The following IGF2BP1 variants were observed in gnomAD, a reference collection of about 807,000 sequenced individuals.
IGF2BP1 encodes the protein insulin like growth factor 2 mRNA binding protein 1.
In IGF2BP1, 11 loss-of-function variants were observed where a neutral mutation model predicts 74.9. The ratio of observed to expected loss-of-function variants is 0.15; its 90% CI spans 0.09 to 0.24. The LOEUF is 0.24. Among genes scored for constraint, IGF2BP1 ranks in the 10% least tolerant of loss-of-function variants. The probability of loss-of-function intolerance (pLI) is 1.00; values close to 1 mark genes in which losing one functional copy is unlikely to be tolerated. For synonymous variants in IGF2BP1, 287 were observed against 281.8 expected (o/e 1.02, Z -0.18); for missense variants, 440 against 757.4 (o/e 0.58, Z 4.92).
rs534271722 is a variant in IGF2BP1, at chr17:49,027,021, G to A, written c.337+504G>A. On this transcript the variant is annotated intron_variant, in intron 4 of 14. Transcript: ENST00000290341. ...CTCCCAAAATGCTGGGATTACAGGC[G>A]TGAGCCATTGCGCCCGGCCTCTGCT... 2.4e-4 allele frequency among the ~76,000 whole-genome samples: 36 copies of A among 152,332 alleles called. 1 individual carries two copies. The highest frequency in any genetic ancestry group is 8.7e-4 in the African/African-American group (36 of 41,574).
At chr17:49,022,420 C>T (rs1046056592) in intron 2 of IGF2BP1, among the ~76,000 whole-genome samples, 3 of 152,188 alleles carry the variant, frequency 2.0e-5, no homozygotes, top group African/African-American at 7.2e-5. Flanking sequence ...CCCGCCCCGC[C>T]CCTCCCGCTG....
chr17:49,049,531 G>A lies in IGF2BP1; in HGVS notation c.*87G>A. On this transcript the variant is annotated 3_prime_UTR_variant, in exon 15 of 15. Transcript: ENST00000290341. ...TCCCCGGCAGGCCTGAGAATGAGTGGGAATCCGGGACACCTGGGCCGGGCT... is the reference window on the plus strand; with the variant it reads ...TCCCCGGCAGGCCTGAGAATGAGTGAGAATCCGGGACACCTGGGCCGGGCT... 1 of 1,123,194 alleles carries A rather than the reference G, an allele frequency of 8.9e-7. No individual in the cohort carries two copies. Among genetic ancestry groups the A allele is most frequent in the South Asian group, 1.4e-5 (1 of 73,666 alleles). The allele number at this position is 1,123,194 out of a possible 1,614,324, so 69.6% of individuals were successfully genotyped here. A position where few individuals can be genotyped will look rare whatever the true frequency, so the allele number is the denominator to read the frequency against.
At chr17:49,007,005 CT>C (rs1174674129) in intron 2 of IGF2BP1, among the ~76,000 whole-genome samples, 2 of 152,162 alleles carry the variant, frequency 1.3e-5, no homozygotes, top group Non-Finnish European at 2.9e-5. Context: ...AAATTTCACA[CT>C]TTACGGCTAC....
chr17:49,018,353 G>T (rs2041735001), intron 2 of IGF2BP1, among the ~76,000 whole-genome samples: 1 of 152,192 alleles, frequency 6.6e-6, no homozygotes, highest in African/African-American at 2.4e-5. Flanking sequence ...CATGTTTGTT[G>T]CTCACTCTTT....
In IGF2BP1 at chr17:49,031,265, G is replaced by A. The variant is rs377217055; in HGVS notation, c.338-645G>A. ...TGGGACTACAAGGGTGCACCACCAC[G>A]CCAGGCTAATTTTTGTGTTTTTTGT... On this transcript the variant is annotated intron_variant, in intron 4 of 14. Coordinates refer to ENST00000290341, the MANE Select transcript of IGF2BP1 (RefSeq NM_006546.4). Among the ~76,000 whole-genome samples, 5 of 151,894 alleles carry A rather than the reference G, an allele frequency of 3.3e-5. No individual in the cohort carries two copies. The East Asian group carries it at 7.7e-4, about 23-fold the overall frequency.
chr17:49,053,927 C>G lies in IGF2BP1; in HGVS notation c.*4483C>G, dbSNP rs946417609. ...GAAAACCAGTAGAAGGGAAACAGCA[C>G]AGCCTGTCACAGTAATTGCAGGAAG... On this transcript the variant is annotated 3_prime_UTR_variant, in exon 15 of 15. Coordinates refer to ENST00000290341, the MANE Select transcript of IGF2BP1 (RefSeq NM_006546.4). 6.5e-6 allele frequency: 1 copy of G among 152,706 alleles called. No homozygotes were observed. The highest frequency in any genetic ancestry group is 2.4e-5 in the African/African-American group (1 of 41,478). The allele number at this position is 152,706 out of a possible 1,614,324, so 9.5% of individuals were successfully genotyped here.
intron 14 of IGF2BP1, among the ~76,000 whole-genome samples, chr17:49,048,698 A>G (rs1567829751): frequency 6.6e-6 from 1 of 152,100 alleles, no homozygotes; most frequent in African/African-American, 2.4e-5. Flanking sequence ...GCAGGAGGTG[A>G]GCGGCAGACG....
At chr17:49,014,800 G>T in intron 2 of IGF2BP1, 1 of 985,400 alleles carries the variant, frequency 1.0e-6, no homozygotes, top group Non-Finnish European at 1.2e-6. Context: ...ACCCCGAGGA[G>T]CACGGGGATG....
chr17:49,034,505 A>G lies in IGF2BP1; in HGVS notation c.401+2532A>G, dbSNP rs190979788. ...TGTAATTCCAGCCCTTTGGGAGGCC[A>G]ATGCAGGGTGGGTTGCTTGAGCTCA... On this transcript the variant is annotated intron_variant, in intron 5 of 14. Coordinates refer to ENST00000290341, the MANE Select transcript of IGF2BP1 (RefSeq NM_006546.4). Among the ~76,000 whole-genome samples the G allele has an allele frequency of 2.5e-3, 382 of 151,338 alleles. 2 individuals are homozygous for G. Among genetic ancestry groups the G allele is most frequent in the African/African-American group, 8.6e-3 (355 of 41,244 alleles).
At chr17:49,010,579 G>A (rs1476414238) in intron 2 of IGF2BP1, among the ~76,000 whole-genome samples, 4 of 152,134 alleles carry the variant, frequency 2.6e-5, no homozygotes, top group Admixed American at 6.5e-5. Context: ...GCCTCCCAAA[G>A]TGCAGTCACC....
At chr17:49,040,196 C>A in intron 7 of IGF2BP1, 105 bp downstream of exon 7, 1 of 1,222,360 alleles carries the variant, frequency 8.2e-7, no homozygotes, top group Non-Finnish European at 1.2e-6. Flanking sequence ...ATACAGTCAG[C>A]AATTGCACAA....
At position 49,013,231 on chromosome 17, in the gene IGF2BP1, A is replaced by G. The variant is rs559116064; in HGVS notation, c.237-12387A>G. On this transcript the variant is annotated intron_variant, in intron 2 of 14. Transcript: ENST00000290341. ...TGAAAGGTCATTCTCACCCCCAAAC[A>G]AATGTCCTACTCTGCATGGGGGCGA... 4.0e-5 allele frequency among the ~76,000 whole-genome samples: 6 copies of G among 149,592 alleles called. No homozygotes were observed. In the East Asian group the frequency reaches 1.2e-3, roughly 29 times the overall value.
intron 1 of IGF2BP1, 113 bp from the exon 2 acceptor site, chr17:48,998,996 A>G (rs1381716672): frequency 1.5e-6 from 1 of 680,488 alleles, no homozygotes; most frequent in Admixed American, 2.6e-5. Context: ...GATTCCTAGG[A>G]AGATCTCGAA....
In IGF2BP1 at chr17:48,997,730, C is replaced by T; in HGVS notation, c.-16C>T. ...CGGCCTTGCCCGGGACCGCGTCCTGCCCCGAGACCGCCACCATGAACAAGC... is the reference window on the plus strand; with the variant it reads ...CGGCCTTGCCCGGGACCGCGTCCTGTCCCGAGACCGCCACCATGAACAAGC... On this transcript the variant is annotated 5_prime_UTR_variant, in exon 1 of 15. Transcript: ENST00000290341. The surrounding 1 kb of genome is among the most constrained non-coding windows in gnomAD (Gnocchi z 4.8). 6.2e-7 allele frequency: 1 copy of T among 1,610,298 alleles called. No individual in the cohort carries two copies. The highest frequency in any genetic ancestry group is 8.5e-7 in the Non-Finnish European group (1 of 1,177,796).
At chr17:49,031,823 T>C in intron 4 of IGF2BP1, 87 bp from the exon 5 acceptor site, 1 of 1,239,202 alleles carries the variant, frequency 8.1e-7, no homozygotes, top group Non-Finnish European at 1.2e-6. Flanking sequence ...CTTCTTGATC[T>C]CAAAACGTGG....
At chr17:49,011,431 C>G (rs990464089) in intron 2 of IGF2BP1, among the ~76,000 whole-genome samples, 27 of 152,102 alleles carry the variant, frequency 1.8e-4, no homozygotes, top group Admixed American at 3.9e-4. Context: ...GTTACTTCAC[C>G]GAATTTCCCA....
intron 5 of IGF2BP1, among the ~76,000 whole-genome samples, chr17:49,034,328 A>G (rs1167225190): frequency 6.6e-6 from 1 of 151,574 alleles, no homozygotes; most frequent in Non-Finnish European, 1.5e-5. Context: ...CATGTTGGCC[A>G]GGCTGGTCTT....
intron 4 of IGF2BP1, among the ~76,000 whole-genome samples, chr17:49,027,334 C>T (rs1013533515): frequency 1.6e-4 from 24 of 152,148 alleles, no homozygotes; most frequent in African/African-American, 5.6e-4. Context: ...ATCGGAGTTA[C>T]TCTGCAGCCG....
intron 2 of IGF2BP1, chr17:49,004,873 G>A (rs1598122291): frequency 1.3e-5 from 2 of 152,162 alleles, no homozygotes; most frequent in East Asian, 3.9e-4. Context: ...ATGCCCATTT[G>A]GTTACCGATA....
Sources: gnomAD v4.1 joint callset for allele counts (sites outside exome capture counted in the v4.1 genomes callset) on GRCh38, gnomAD v4.1.1 for gene constraint, Gnocchi (gnomAD v3.1) non-coding constraint, MANE v1.5 for transcripts, NCBI Gene and HGNC (gene_info 2026-07-23, HGNC 2026-07-21) for gene names.